The following GTF3C6 variants were observed in gnomAD, a reference collection of about 807,000 sequenced individuals.
GTF3C6 encodes general transcription factor 3C polypeptide 6.
Under a neutral mutation model 19.2 loss-of-function variants are expected in GTF3C6, and 11 were observed. The observed-to-expected ratio is 0.57, with a 90% confidence interval of 0.36 to 0.95. The LOEUF is 0.95. GTF3C6 is among the 40% of genes least tolerant of loss of function. The pLI is 0.01. For missense variants in GTF3C6, 222 were observed against 254.7 expected (o/e 0.87, Z 0.87); for synonymous variants, 87 against 84.2 (o/e 1.03, Z -0.18).
chr6:110,963,057 G>C (rs576707587), intron 5 of GTF3C6, among the ~76,000 whole-genome samples: 17 of 152,198 alleles, frequency 1.1e-4, no homozygotes, highest in South Asian at 1.0e-3. Flanking sequence ...GATTACAGGC[G>C]TGAGCCACCG....
intron 2 of GTF3C6, 60 bp from the exon 3 acceptor site, chr6:110,960,354 A>G (rs1771143511): frequency 1.4e-6 from 2 of 1,419,076 alleles, no homozygotes; most frequent in African/African-American, 1.4e-5. Flanking sequence ...TAGCAAGGTT[A>G]CAATGTTGAA....
Position 110,958,778 on chromosome 6 carries a change from G to C in GTF3C6, c.9G>C (p.Ala3=). 3.9e-6 allele frequency: 6 copies of C among 1,550,998 alleles called. No homozygotes were observed. Among genetic ancestry groups the C allele is most frequent in the Non-Finnish European group, 5.2e-6 (6 of 1,146,940 alleles). Residue 3 remains alanine, a synonymous_variant, in exon 1 of 6, where the codon GCG becomes GCC. Coordinates refer to ENST00000329970, the MANE Select transcript of GTF3C6 (RefSeq NM_138408.4). MA[A]AADERSPEDG... is the part of the protein sequence containing the mutation. ...CGAGGCGCCGCGGGACCATGGCGGC[G>C]GCGGCGGACGAGCGGAGTCCAGAGG...
chr6:110,962,243 C>T lies in GTF3C6; in HGVS notation c.248-149C>T, dbSNP rs1272792950. ...ATCTATCATTTTTCTATGCTTGGAG[C>T]AGGAGGGATGAGTTATACCTTGAAT... On this transcript the variant is annotated intron_variant, in intron 4 of 5. Transcript: ENST00000329970. 5 of 577,398 alleles carry T rather than the reference C, an allele frequency of 8.7e-6. No individual in the cohort carries two copies. In the South Asian group the frequency reaches 1.1e-4, roughly 12 times the overall value. 35.8% of individuals were successfully genotyped at this position (577,398 alleles called of 1,614,324 possible). A position where few individuals can be genotyped will look rare whatever the true frequency, so the allele number is the denominator to read the frequency against.
At chr6:110,964,075 T>G (rs1771197706) in intron 5 of GTF3C6, among the ~76,000 whole-genome samples, 1 of 151,954 alleles carries the variant, frequency 6.6e-6, no homozygotes, top group Non-Finnish European at 1.5e-5. Context: ...TTGTTATTAT[T>G]ATTAAATTAT....
chr6:110,960,306 T>C (rs1341155012), intron 2 of GTF3C6, 108 bp from the exon 3 acceptor site: 6 of 877,754 alleles, frequency 6.8e-6, no homozygotes, highest in Non-Finnish European at 8.7e-6. Flanking sequence ...GACAAGATGC[T>C]CTAGAGGTTC....
rs372162996 is a variant in GTF3C6 at position 110,960,011 on chromosome 6, C to T, written c.139-403C>T. The stretch of plus-strand genomic sequence containing the variant: ...TAAATTAGCTGGGGATGGTGGCATG[C>T]GCCTGTGGTCCCTGCTGCTCAGGAG... On this transcript the variant is annotated intron_variant, in intron 2 of 5. Transcript: ENST00000329970. Among the ~76,000 whole-genome samples the T allele has an allele frequency of 6.4e-4, 97 of 151,784 alleles. 1 individual carries two copies. Among genetic ancestry groups the T allele is most frequent in the East Asian group, 6.2e-3 (32 of 5,128 alleles).
chr6:110,962,112 C>T (rs527257614), intron 4 of GTF3C6, among the ~76,000 whole-genome samples: 1 of 152,188 alleles, frequency 6.6e-6, no homozygotes, highest in East Asian at 1.9e-4. Context: ...TCATGTTGGC[C>T]AGGCTGGTCT....
chr6:110,960,433 C>A lies in GTF3C6; in HGVS notation c.158C>A (p.Pro53His). The A allele has an allele frequency of 2.5e-6, 4 of 1,613,376 alleles. No individual in the cohort carries two copies. The South Asian group carries it at 4.4e-5, about 18-fold the overall frequency. Residue 53 changes from proline to histidine, a missense_variant, in exon 3 of 6, where the codon CCC becomes CAC. Coordinates refer to ENST00000329970, the MANE Select transcript of GTF3C6 (RefSeq NM_138408.4). ...TTGTAGGGCATTGACACTGAGAGGC[C>A]CATTCTGCAAGTGGACAGCTGTGTC... Reference protein sequence around the residue: ...CKVLGIDTERPILQVDSCVFA... With the variant: ...CKVLGIDTERHILQVDSCVFA...
At chr6:110,967,222 T>A (rs1771241573) in intron 5 of GTF3C6, among the ~76,000 whole-genome samples, 1 of 151,960 alleles carries the variant, frequency 6.6e-6, no homozygotes, top group Non-Finnish European at 1.5e-5. Flanking sequence ...AGTGCTCAAA[T>A]TATTTCTTAG....
chr6:110,962,324 C>A, intron 4 of GTF3C6, 68 bp from the exon 5 acceptor site: 1 of 817,118 alleles, frequency 1.2e-6, no homozygotes, highest in Non-Finnish European at 2.1e-6. Context: ...ACTGGAATTA[C>A]TAAGGCTTCA....
At chr6:110,963,536 CTTG>C (rs1476305677) in intron 5 of GTF3C6, among the ~76,000 whole-genome samples, 2 of 152,006 alleles carry the variant, frequency 1.3e-5, no homozygotes, top group East Asian at 1.9e-4. Flanking sequence ...TCCCTCAAAC[CTTG>C]TTATGATGTC....
intron 5 of GTF3C6, among the ~76,000 whole-genome samples, chr6:110,962,990 G>A (rs1036439697): frequency 6.6e-6 from 1 of 152,112 alleles, no homozygotes; most frequent in Non-Finnish European, 1.5e-5. Context: ...TGTTGGCCAG[G>A]ATGCTCTCAA....
chr6:110,964,133 G>C (rs572631621), intron 5 of GTF3C6, among the ~76,000 whole-genome samples: 52 of 152,104 alleles, frequency 3.4e-4, no homozygotes, highest in African/African-American at 1.2e-3. Flanking sequence ...GGAATGCAGT[G>C]GTGTGATGTT....
chr6:110,961,881 A>G (rs1024797030), intron 4 of GTF3C6, among the ~76,000 whole-genome samples: 4 of 151,062 alleles, frequency 2.6e-5, no homozygotes, highest in Non-Finnish European at 4.4e-5. Flanking sequence ...TTTTGAATCC[A>G]GTTGTGCTTT....
rs9374227 is a variant in GTF3C6, at chr6:110,962,389, C to T, written c.248-3C>T. ...ATAATAATGTTGTTCATTTCTGTTCCAGCTGATACAGAAGGCAATAATAAA... is the reference window on the plus strand; with the variant it reads ...ATAATAATGTTGTTCATTTCTGTTCTAGCTGATACAGAAGGCAATAATAAA... On this transcript the variant is annotated splice_polypyrimidine_tract_variant and splice_region_variant and intron_variant, in intron 4 of 5. Transcript: ENST00000329970. 319,659 of 1,469,450 alleles carry T rather than the reference C, an allele frequency of 0.22. 41,958 individuals are homozygous for T. Among genetic ancestry groups the T allele is most frequent in the East Asian group, 0.66 (29,319 of 44,264 alleles). 91.0% of individuals were successfully genotyped at this position (1,469,450 alleles called of 1,614,324 possible). A position where few individuals can be genotyped will look rare whatever the true frequency, so the allele number is the denominator to read the frequency against.
At chr6:110,962,876 T>A (rs548682281) in intron 5 of GTF3C6, among the ~76,000 whole-genome samples, 1 of 152,296 alleles carries the variant, frequency 6.6e-6, no homozygotes, top group South Asian at 2.1e-4. Context: ...CCTCCCGGGT[T>A]CAAGCGATTC....
intron 5 of GTF3C6, among the ~76,000 whole-genome samples, chr6:110,965,156 A>G (rs1215376469): frequency 8.0e-6 from 1 of 124,828 alleles, no homozygotes; most frequent in African/African-American, 3.0e-5. Context: ...TTTTTTTTTT[A>G]AATAGAGACA....
intron 5 of GTF3C6, 115 bp from the exon 6 acceptor site, chr6:110,967,395 G>T: frequency 1.1e-6 from 1 of 920,170 alleles, no homozygotes; most frequent in Non-Finnish European, 1.6e-6. Flanking sequence ...CTTGGTTTAT[G>T]TTAGGCTTTC....
chr6:110,959,243 C>T lies in GTF3C6; in HGVS notation c.129C>T (p.Cys43=), dbSNP rs1410220748. 2 of 1,604,314 alleles carry T rather than the reference C, an allele frequency of 1.2e-6. No individual in the cohort carries two copies. The highest frequency in any genetic ancestry group is 8.5e-7 in the Non-Finnish European group (1 of 1,171,734). ...TCCTCTCAAAATGTGAAAATAAATGCAAGGTTTTGGTGAGTTTTCTAGACT... is the reference window on the plus strand; with the variant it reads ...TCCTCTCAAAATGTGAAAATAAATGTAAGGTTTTGGTGAGTTTTCTAGACT... ...SDFLSKCENK[C]KVLGIDTERP... The change falls in exon 2 of 6, where the codon TGC becomes TGT. Residue 43 remains cysteine, a synonymous_variant. Coordinates refer to ENST00000329970, the MANE Select transcript of GTF3C6 (RefSeq NM_138408.4).
Sources: gnomAD v4.1 joint callset for allele counts (sites outside exome capture counted in the v4.1 genomes callset) on GRCh38, gnomAD v4.1.1 for gene constraint, MANE v1.5 for transcripts, NCBI Gene and HGNC (gene_info 2026-07-23, HGNC 2026-07-21) for gene names.